C2CD5: variants seen among roughly 807,000 people sequenced by gnomAD.
The protein encoded by C2CD5 is C2 domain-containing protein 5.
Under a neutral mutation model 130.3 loss-of-function variants are expected in C2CD5, and 109 were observed. That is an observed-to-expected ratio of 0.84 (90% CI 0.72 to 0.98). The LOEUF (loss-of-function observed/expected upper bound fraction) is 0.98, where lower values mean the gene tolerates loss of function less well. C2CD5 is among the 50% of genes least tolerant of loss of function. C2CD5 has a pLI of 0.00. For synonymous variants in C2CD5, 454 were observed against 429.2 expected (o/e 1.06, Z -0.71); for missense variants, 996 against 1,261.8 (o/e 0.79, Z 3.19).
intron 3 of C2CD5, among the ~76,000 whole-genome samples, chr12:22,534,540 A>G (rs1056231049): frequency 2.6e-5 from 4 of 152,236 alleles, no homozygotes; most frequent in African/African-American, 9.6e-5. Flanking sequence ...AAATAACTCA[A>G]TTAGAAAATA....
Position 22,524,625 on chromosome 12 carries a change from T to C in C2CD5, c.448A>G (p.Thr150Ala). 7 of 1,607,624 alleles carry C rather than the reference T, an allele frequency of 4.4e-6. No individual in the cohort carries two copies. The highest frequency in any genetic ancestry group is 5.9e-6 in the Non-Finnish European group (7 of 1,177,228). ...GCTCTATAGCATTTTGGAATAGACG[T>C]TGCTGTTAAAACAAATTATTATGCT... Reference protein sequence around the residue: ...SSCGVKFFCTTSIPKCYRAVI... With the variant: ...SSCGVKFFCTASIPKCYRAVI... The change falls in exon 6 of 27, where the codon ACG becomes GCG. Residue 150 changes from threonine (T) to alanine (A), a missense_variant and splice_region_variant. Physicochemically the swap from Thr to Ala is moderately conservative, Grantham distance 58. This residue lies in a region of C2CD5 where 49 missense variants were observed against 52.0 expected (regional missense o/e 0.94). Transcript: ENST00000446597.
chr12:22,450,230 C>T (rs1343991944), intron 26 of C2CD5, among the ~76,000 whole-genome samples: 1 of 152,122 alleles, frequency 6.6e-6, no homozygotes, highest in African/African-American at 2.4e-5. Flanking sequence ...GAGCAACACA[C>T]TTAACACTGC....
At chr12:22,454,104 C>A in intron 25 of C2CD5, 62 bp from the exon 26 acceptor site, 1 of 1,276,152 alleles carries the variant, frequency 7.8e-7, no homozygotes, top group Non-Finnish European at 1.1e-6. Context: ...TAGGAATGCA[C>A]ACAAAATGTC....
At chr12:22,488,316 A>G (rs550000555) in intron 12 of C2CD5, among the ~76,000 whole-genome samples, 4 of 152,344 alleles carry the variant, frequency 2.6e-5, no homozygotes, top group Non-Finnish European at 4.4e-5. Flanking sequence ...TACAAAGCAT[A>G]TAAGAATTTG....
intron 1 of C2CD5, 39 bp from the exon 2 acceptor site, chr12:22,544,218 G>T: frequency 1.3e-6 from 2 of 1,526,884 alleles, no homozygotes; most frequent in Non-Finnish European, 1.8e-6. Context: ...CGAGCGCGGG[G>T]CCGGCGGGAG....
At chr12:22,470,349 CCAATAATT>C (rs1942826328) in intron 21 of C2CD5, among the ~76,000 whole-genome samples, 1 of 152,048 alleles carries the variant, frequency 6.6e-6, no homozygotes, top group African/African-American at 2.4e-5. Context: ...CACACAGTTT[CCAATAATT>C]TGGATTTCTT....
chr12:22,466,416 A>T (rs560302803), intron 22 of C2CD5, among the ~76,000 whole-genome samples: 1 of 152,004 alleles, frequency 6.6e-6, no homozygotes, highest in South Asian at 2.1e-4. Flanking sequence ...TGCATATTTT[A>T]AAAAAACAGA....
chr12:22,452,847 G>A (rs981861352), intron 26 of C2CD5, among the ~76,000 whole-genome samples: 1 of 152,182 alleles, frequency 6.6e-6, no homozygotes, highest in African/African-American at 2.4e-5. Context: ...TGGGAAGATC[G>A]CTTGAGCTCA....
At chr12:22,450,160 A>C (rs2135916137) in intron 26 of C2CD5, among the ~76,000 whole-genome samples, 1 of 152,288 alleles carries the variant, frequency 6.6e-6, no homozygotes, top group East Asian at 1.9e-4. Context: ...CACTTCATAT[A>C]TACTGGCAAA....
intron 22 of C2CD5, among the ~76,000 whole-genome samples, chr12:22,468,859 T>G (rs1010850812): frequency 1.3e-5 from 2 of 152,302 alleles, no homozygotes; most frequent in African/African-American, 2.4e-5. Flanking sequence ...CTATTCTGTA[T>G]TATACATAAT....
chr12:22,461,921 A>C (rs911915602), intron 22 of C2CD5, among the ~76,000 whole-genome samples: 3 of 152,020 alleles, frequency 2.0e-5, no homozygotes, highest in Non-Finnish European at 4.4e-5. Context: ...AAGGCCCAAG[A>C]GGCCCAAGGC....
chr12:22,469,204 T>C (rs1942611215), intron 22 of C2CD5, among the ~76,000 whole-genome samples: 1 of 152,140 alleles, frequency 6.6e-6, no homozygotes, highest in Non-Finnish European at 1.5e-5. Context: ...CTTATATAAG[T>C]ACATAACAAT....
Position 22,449,762 on chromosome 12 carries a change from A to G in C2CD5, c.3154T>C (p.Ter1052ArgextTer11). ...SSCTEGEVTT* is the reference protein window; with the variant it reads ...SSCTEGEVTTR ...GAGCTCTTTTTTCCTAATTTTCCTC[A>G]GGTTGTAACTTCGCCTTCAGTACAT... The change falls in exon 27 of 27, where the codon TGA becomes CGA. Residue 1052 changes from the stop codon to arginine (R), a stop_lost. Transcript: ENST00000446597. 1 of 1,572,450 alleles carries G rather than the reference A, an allele frequency of 6.4e-7. No individual in the cohort carries two copies. The highest frequency in any genetic ancestry group is 8.7e-7 in the Non-Finnish European group (1 of 1,149,276).
chr12:22,529,851 C>T (rs781423335), intron 3 of C2CD5, among the ~76,000 whole-genome samples: 1 of 151,710 alleles, frequency 6.6e-6, no homozygotes, highest in African/African-American at 2.4e-5. Flanking sequence ...TTCACTCTAG[C>T]TCCTTCTGCC....
At chr12:22,497,913 C>CAT (rs1248998598) in intron 10 of C2CD5, among the ~76,000 whole-genome samples, 2 of 106,318 alleles carry the variant, frequency 1.9e-5, no homozygotes, top group Non-Finnish European at 3.3e-5. Flanking sequence ...CACATACACA[C>CAT]ACACACACAC....
At chr12:22,508,938 G>T (rs575118129) in intron 9 of C2CD5, among the ~76,000 whole-genome samples, 1 of 150,470 alleles carries the variant, frequency 6.6e-6, no homozygotes, top group Non-Finnish European at 1.5e-5. Context: ...CTGCAGTGGC[G>T]CAATCTCGGC....
At chr12:22,499,521 A>G (rs908803833) in intron 10 of C2CD5, among the ~76,000 whole-genome samples, 4 of 152,182 alleles carry the variant, frequency 2.6e-5, no homozygotes, top group Admixed American at 6.5e-5. Context: ...GTGGCATGTA[A>G]TAAGTTCTTG....
intron 2 of C2CD5, among the ~76,000 whole-genome samples, chr12:22,537,554 C>T (rs997831453): frequency 6.6e-6 from 1 of 152,148 alleles, no homozygotes; most frequent in African/African-American, 2.4e-5. Context: ...TAAATGAATG[C>T]CTTATAACTC....
intron 10 of C2CD5, among the ~76,000 whole-genome samples, chr12:22,504,311 T>C (rs1289757947): frequency 6.7e-6 from 1 of 149,184 alleles, no homozygotes; most frequent in Non-Finnish European, 1.5e-5. Flanking sequence ...TTTCTTTTTT[T>C]TTTTTTTTGA....
Sources: gnomAD v4.1 joint callset for allele counts (sites outside exome capture counted in the v4.1 genomes callset) on GRCh38, gnomAD v4.1.1 for gene constraint, gnomAD v4.1.1 regional missense constraint, MANE v1.5 for transcripts, NCBI Gene and HGNC (gene_info 2026-07-23, HGNC 2026-07-21) for gene names.